Variants in TRIM37 observed in about 807,000 individuals in gnomAD.
TRIM37 encodes the protein tripartite motif containing 37.
TRIM37 carries 80 observed loss-of-function variants against 129.8 expected under a neutral mutation model. The observed-to-expected ratio is 0.62, with a 90% CI of 0.51 to 0.74. The LOEUF (loss-of-function observed/expected upper bound fraction) is 0.74, where lower values mean the gene tolerates loss of function less well. TRIM37 is among the 30% of genes least tolerant of loss of function. TRIM37 has a pLI of 0.00. For synonymous variants in TRIM37, 389 were observed against 387.1 expected (o/e 1.00, Z -0.06); for missense variants, 1,054 against 1,176.5 (o/e 0.90, Z 1.52).
chr17:59,049,875 C>T (rs2040176155), intron 14 of TRIM37, among the ~76,000 whole-genome samples: 1 of 152,154 alleles, frequency 6.6e-6, no homozygotes, highest in Admixed American at 6.5e-5. Context: ...ATAAACTGCC[C>T]CATTTATGCT....
chr17:59,035,326 G>C (rs900887291), intron 17 of TRIM37, among the ~76,000 whole-genome samples: 1 of 152,002 alleles, frequency 6.6e-6, no homozygotes, highest in African/African-American at 2.4e-5. Context: ...CTCCCAAAGT[G>C]CTGGGATTAG....
chr17:59,051,474 T>A, intron 13 of TRIM37, 146 bp from the exon 14 acceptor site: 1 of 681,442 alleles, frequency 1.5e-6, no homozygotes, highest in South Asian at 1.6e-5. Context: ...TGTTTATAGA[T>A]GTAGTCCACA....
At chr17:59,073,312 G>A (rs1043553991) in intron 8 of TRIM37, among the ~76,000 whole-genome samples, 52 of 137,698 alleles carry the variant, frequency 3.8e-4, no homozygotes, top group Admixed American at 1.0e-3. Context: ...TTTTTTTTTT[G>A]AGACAGGGTC....
chr17:58,976,751 T>A, the TRIM37 span, among the ~76,000 whole-genome samples: 459 of 152,294 alleles, frequency 3.0e-3, 1 homozygote, highest in African/African-American at 0.01. Context: ...AAGCCAGAAC[T>A]TTGGCAGCAT....
At chr17:59,012,920 T>A (rs1195102364) in intron 21 of TRIM37, among the ~76,000 whole-genome samples, 2 of 150,310 alleles carry the variant, frequency 1.3e-5, no homozygotes, top group Admixed American at 1.3e-4. Context: ...CACAAAAAAA[T>A]GTTATGAAAT....
chr17:59,056,721 A>AAAAAAAC lies in TRIM37; in HGVS notation c.1199+153_1199+154insGTTTTTT, dbSNP rs2040942580. Among the ~76,000 whole-genome samples the AAAAAAAC allele has an allele frequency of 1.7e-5, 2 of 118,758 alleles. 1 individual carries two copies. The highest frequency in any genetic ancestry group is 3.2e-5 in the Non-Finnish European group (2 of 61,778). The allele number at this position is 118,758 out of a possible 152,430, so 77.9% of individuals were successfully genotyped here. On this transcript the variant is annotated intron_variant, in intron 13 of 23. Coordinates refer to ENST00000262294, the MANE Select transcript of TRIM37 (RefSeq NM_015294.6). Reference sequence around the variant, plus strand: ...ACAGAGCGAGACTATGTCTCCAAAAAAAAAAAAAAAAAAAAAAAAAAAAAA... The same window carrying AAAAAAAC: ...ACAGAGCGAGACTATGTCTCCAAAAAAAAAAACAAAAAAAAAAAAAAAAAAAAAAAAA...
At chr17:59,037,430 C>T (rs1186669767) in intron 17 of TRIM37, among the ~76,000 whole-genome samples, 1 of 150,802 alleles carries the variant, frequency 6.6e-6, no homozygotes, top group South Asian at 2.1e-4. Flanking sequence ...TGGTGGCGGG[C>T]GCCTGTAGTC....
chr17:59,079,113 TATG>T (rs1460958077), intron 7 of TRIM37, among the ~76,000 whole-genome samples: 1 of 150,936 alleles, frequency 6.6e-6, no homozygotes, highest in Non-Finnish European at 1.5e-5. Flanking sequence ...CACTTTGGAC[TATG>T]ATAAAAAATG....
intron 24 of TRIM37, chr17:58,984,748 C>G (rs1372023277): frequency 6.6e-6 from 1 of 152,472 alleles, no homozygotes; most frequent in Non-Finnish European, 1.5e-5. Flanking sequence ...TGAAAAATAA[C>G]TGTTACTTCT....
chr17:59,028,770 T>C (rs2037507481), intron 18 of TRIM37, 47 bp from the exon 19 acceptor site: 1 of 1,596,568 alleles, frequency 6.3e-7, no homozygotes, highest in Non-Finnish European at 8.6e-7. Context: ...TTAATATTAA[T>C]GAAATCATTT....
chr17:58,981,165 A>G (rs1258720671), downstream of TRIM37: 3 of 666,906 alleles, frequency 4.5e-6, no homozygotes, highest in Non-Finnish European at 4.9e-6. Context: ...AAATGTAAAT[A>G]GATCTCTAGG....
At position 59,049,372 on chromosome 17, in the gene TRIM37, G is replaced by A. The variant is rs1303000161; in HGVS notation, c.1336C>T (p.Arg446Ter). ...GACAAATCTCTTGACTTCTGAGTTCGAGACAGCTCAATAGTAAGTCTCTTT... is the reference window on the plus strand; with the variant it reads ...GACAAATCTCTTGACTTCTGAGTTCAAGACAGCTCAATAGTAAGTCTCTTT... ...LKERLTIELS[R>*]TQKSRDLSPP... Residue 446 changes from arginine (R) to a stop codon, truncating the protein, a stop_gained, in exon 15 of 24, where the codon CGA (arginine) becomes TGA (stop). Coordinates refer to ENST00000262294, the MANE Select transcript of TRIM37 (RefSeq NM_015294.6). LOFTEE classifies it high-confidence loss of function. The A allele has an allele frequency of 4.3e-6, 7 of 1,613,984 alleles. No homozygotes were observed. Among genetic ancestry groups the A allele is most frequent in the Non-Finnish European group, 5.1e-6 (6 of 1,180,006 alleles).
intron 2 of TRIM37, among the ~76,000 whole-genome samples, chr17:59,097,078 G>A (rs1021790591): frequency 8.5e-5 from 13 of 152,050 alleles, no homozygotes; most frequent in African/African-American, 3.1e-4. Flanking sequence ...ATCCTTTCAT[G>A]ATAAAAATAC....
At chr17:59,040,760 TGCCAG>T (rs1220882538) in intron 17 of TRIM37, among the ~76,000 whole-genome samples, 2 of 151,986 alleles carry the variant, frequency 1.3e-5, no homozygotes, top group Non-Finnish European at 2.9e-5. Context: ...ATTAAGAATA[TGCCAG>T]GCCGGGCGCG....
At position 59,079,864 on chromosome 17, in the gene TRIM37, T is replaced by C. The variant is rs958213320; in HGVS notation, c.506A>G (p.Glu169Gly). ...SLVQEVERNVEAVRNAKDERV... is the reference protein window; with the variant it reads ...SLVQEVERNVGAVRNAKDERV... ...CTCATCTTTTGCATTTCTTACAGCT[T>C]CTACATTCCTTTCCTAGAAGATAAA... Residue 169 changes from glutamate (E) to glycine (G), a missense_variant, in exon 7 of 24, where the codon GAA becomes GGA. Glu to Gly is a moderately conservative substitution (Grantham distance 98). Coordinates refer to ENST00000262294, the MANE Select transcript of TRIM37 (RefSeq NM_015294.6). 7 of 1,613,880 alleles carry C rather than the reference T, an allele frequency of 4.3e-6. No individual in the cohort carries two copies. The highest frequency in any genetic ancestry group is 5.9e-6 in the Non-Finnish European group (7 of 1,179,918).
intron 2 of TRIM37, among the ~76,000 whole-genome samples, chr17:59,098,668 TAAA>T (rs57583644): frequency 2.9e-5 from 3 of 103,760 alleles, no homozygotes; most frequent in African/African-American, 3.7e-5. Context: ...CTGTCTCATT[TAAA>T]AAAAAAAAAA....
At position 58,998,911 on chromosome 17, in the gene TRIM37, G is replaced by C. The variant is rs2033310810; in HGVS notation, c.*466C>G. The stretch of plus-strand genomic sequence containing the variant: ...AGAATCTCTTCCAAAGCAATTTTCT[G>C]TTCACTAATCTACAGGCACTAATGG... On this transcript the variant is annotated 3_prime_UTR_variant, in exon 24 of 24. Transcript: ENST00000262294. 9.8e-7 allele frequency: 1 copy of C among 1,017,480 alleles called. No individual in the cohort carries two copies. The highest frequency in any genetic ancestry group is 1.7e-5 in the African/African-American group (1 of 57,478). 63.0% of individuals were successfully genotyped at this position (1,017,480 alleles called of 1,614,324 possible). A position where few individuals can be genotyped will look rare whatever the true frequency, so the allele number is the denominator to read the frequency against.
chr17:59,065,488 G>A (rs533780936), intron 9 of TRIM37, among the ~76,000 whole-genome samples: 2 of 152,268 alleles, frequency 1.3e-5, no homozygotes, highest in Non-Finnish European at 2.9e-5. Flanking sequence ...ATCTTCTTCA[G>A]AGAGAACTGT....
intron 16 of TRIM37, among the ~76,000 whole-genome samples, chr17:59,044,332 C>T (rs1047440844): frequency 2.0e-5 from 3 of 151,696 alleles, no homozygotes; most frequent in Non-Finnish European, 4.4e-5. Context: ...CGGCCGGGTG[C>T]TGTGGCTCAC....
Sources: allele counts gnomAD v4.1 joint callset (sites outside exome capture counted in the v4.1 genomes callset), GRCh38; gene constraint gnomAD v4.1.1; transcripts MANE v1.5; gene names NCBI Gene and HGNC (gene_info 2026-07-23, HGNC 2026-07-21).